ADCY6: variants seen among roughly 807,000 people sequenced by gnomAD.
ADCY6 encodes the protein adenylate cyclase type 6.
Under a neutral mutation model 111.6 loss-of-function variants are expected in ADCY6, and 59 were observed. The observed-to-expected ratio is 0.53, with a 90% CI of 0.43 to 0.66. ADCY6 has a LOEUF of 0.66. Among genes scored for constraint, ADCY6 ranks in the 30% least tolerant of loss-of-function variants. ADCY6 has a pLI of 0.00. For synonymous variants in ADCY6, 576 were observed against 642.9 expected (o/e 0.90, Z 1.57); for missense variants, 1,242 against 1,595.6 (o/e 0.78, Z 3.78).
Position 48,783,220 on chromosome 12 carries a change from C to T in ADCY6, c.215G>A (p.Arg72Gln), listed in dbSNP as rs779322146. The T allele has an allele frequency of 1.6e-5, 25 of 1,607,860 alleles. No individual in the cohort carries two copies. The highest frequency in any genetic ancestry group is 2.2e-5 in the South Asian group (2 of 91,038). ...RCPWQDDAFI[R>Q]RGGPGKGKEL... ...CTTGCCCTTGCCTGGGCCGCCCCTC[C>T]GGATGAAGGCGTCATCCTGCCAGGG... is the stretch of plus-strand genomic sequence containing the variant. Residue 72 changes from arginine (R) to glutamine (Q), a missense_variant, in exon 2 of 22, where the codon CGG becomes CAG. Physicochemically the swap from Arg to Gln is conservative, Grantham distance 43 (BLOSUM62 1). Around this residue, in one of 4 missense-constraint regions of ADCY6, gnomAD observed 362 missense variants for 377.2 expected, o/e 0.96. Transcript: ENST00000357869.
rs755106681 is a variant in ADCY6 at position 48,771,765 on chromosome 12, T to G, written c.2996A>C (p.Asn999Thr). 1.9e-6 allele frequency: 3 copies of G among 1,614,188 alleles called. No homozygotes were observed. The highest frequency in any genetic ancestry group is 2.5e-6 in the Non-Finnish European group (3 of 1,180,040). The part of the protein sequence containing the change: ...SEFYVELEAN[N>T]EGVECLRLLN... ...CAGCCGCAGGCACTCGACACCCTCATTGTTTGCCTCCAGCTCCACATAGAA... is the reference window on the plus strand; with the variant it reads ...CAGCCGCAGGCACTCGACACCCTCAGTGTTTGCCTCCAGCTCCACATAGAA... Residue 999 changes from asparagine (N) to threonine (T), a missense_variant, in exon 19 of 22, where the codon AAT becomes ACT. Transcript: ENST00000357869. The surrounding 1 kb of genome is among the most constrained non-coding windows in gnomAD (Gnocchi z 4.3).
chr12:48,778,512 A>C, intron 2 of ADCY6: 1 of 483,658 alleles, frequency 2.1e-6, no homozygotes, highest in Non-Finnish European at 3.8e-6. Context: ...CAGAAGACCA[A>C]CTAGGGCCAG....
Position 48,772,216 on chromosome 12 carries a change from T to A in ADCY6, c.2787+79A>T, listed in dbSNP as rs2291727. 7.2e-3 allele frequency: 10,973 copies of A among 1,527,232 alleles called. 952 individuals carry two copies. In the East Asian group the frequency reaches 0.2, roughly 27 times the overall value. The allele number at this position is 1,527,232 out of a possible 1,614,324, so 94.6% of individuals were successfully genotyped here. On this transcript the variant is annotated intron_variant, in intron 18 of 21. Coordinates refer to ENST00000357869, the MANE Select transcript of ADCY6 (RefSeq NM_015270.5). Reference sequence around the variant, plus strand: ...AGGTGTGGCCTGAGCCTTAGCCAGCTAGCACAAGATACATTTCTGGCCTGG... The same window carrying A: ...AGGTGTGGCCTGAGCCTTAGCCAGCAAGCACAAGATACATTTCTGGCCTGG...
intron 20 of ADCY6, among the ~76,000 whole-genome samples, chr12:48,770,335 C>G (rs1160067462): frequency 6.6e-6 from 1 of 152,112 alleles, no homozygotes; most frequent in East Asian, 1.9e-4. Context: ...GAATTCAAAC[C>G]AAATAGTCCA....
In ADCY6 at chr12:48,777,623, G is replaced by C; in HGVS notation, c.1128C>G (p.Asp376Glu). 1 of 1,613,380 alleles carries C rather than the reference G, an allele frequency of 6.2e-7. No homozygotes were observed. The highest frequency in any genetic ancestry group is 1.1e-5 in the South Asian group (1 of 91,080). The change falls in exon 4 of 22, where the codon GAC (aspartate) becomes GAG (glutamate). Residue 376 changes from aspartate (D) to glutamate (E), a missense_variant. Asp to Glu is a conservative substitution (Grantham distance 45). Around this residue, in one of 4 missense-constraint regions of ADCY6, gnomAD observed 260 missense variants for 414.6 expected, o/e 0.63. Coordinates refer to ENST00000357869, the MANE Select transcript of ADCY6 (RefSeq NM_015270.5). This position sits in a 1 kb window ranked among gnomAD's most constrained non-coding sequence, Gnocchi z 4.9. ...TCCTACCCTCACCCTACCTGACATT[G>C]TCATGCTTCTGTATGTAGATCTTGT... ...MFHKIYIQKHDNVSILFADIE... is the reference protein window; with the variant it reads ...MFHKIYIQKHENVSILFADIE...
Position 48,776,125 on chromosome 12 carries a change from G to T in ADCY6, c.1678-34C>A, listed in dbSNP as rs376079489. On this transcript the variant is annotated intron_variant, in intron 8 of 21. Coordinates refer to ENST00000357869, the MANE Select transcript of ADCY6 (RefSeq NM_015270.5). The surrounding 1 kb of genome is among the most constrained non-coding windows in gnomAD (Gnocchi z 6.1). ...GCAGCATGGGTACAGGCTCAGAAGA[G>T]GGGCCCAGAGGAGGCCTTGGCCTGC... 6.2e-7 allele frequency: 1 copy of T among 1,613,882 alleles called. No homozygotes were observed. The highest frequency in any genetic ancestry group is 1.7e-5 in the Admixed American group (1 of 60,014).
At chr12:48,789,318 C>G (rs1942042666), upstream of ADCY6, 1 of 152,212 alleles carries the variant, frequency 6.6e-6, no homozygotes, top group Non-Finnish European at 1.5e-5. Flanking sequence ...CCTGGGAAGA[C>G]AAGCAGCTAC....
intron 1 of ADCY6, among the ~76,000 whole-genome samples, chr12:48,786,009 G>A (rs1205957361): frequency 6.6e-6 from 1 of 152,142 alleles, no homozygotes; most frequent in African/African-American, 2.4e-5. Flanking sequence ...ATAAGATGAG[G>A]CTGACAGCAC....
At chr12:48,785,563 G>A (rs1404552174) in intron 1 of ADCY6, among the ~76,000 whole-genome samples, 1 of 152,184 alleles carries the variant, frequency 6.6e-6, no homozygotes, top group Non-Finnish European at 1.5e-5. Context: ...AGGTTGCAGT[G>A]AGCTGAGATC....
At chr12:48,770,686 G>T in intron 20 of ADCY6, 80 bp downstream of exon 20, 1 of 1,426,446 alleles carries the variant, frequency 7.0e-7, no homozygotes, top group Non-Finnish European at 9.8e-7. Context: ...GGAAATCTGT[G>T]ATCCCATCCC....
rs1941740858 is a variant in ADCY6 at position 48,777,716 on chromosome 12, T to C, written c.1035A>G (p.Val345=). ...NRQQERLLLS[V]LPQHVAMEMK... The stretch of plus-strand genomic sequence containing the variant: ...TCTCCATGGCAACGTGCTGGGGCAA[T>C]ACCGACAGCAGCAGCCGCTCCTAGC... Residue 345 remains valine (V), a synonymous_variant, in exon 4 of 22, where the codon GTA becomes GTG. Transcript: ENST00000357869. This position sits in a 1 kb window ranked among gnomAD's most constrained non-coding sequence, Gnocchi z 4.9. The C allele has an allele frequency of 6.2e-7, 1 of 1,614,064 alleles. No individual in the cohort carries two copies. The highest frequency in any genetic ancestry group is 8.5e-7 in the Non-Finnish European group (1 of 1,180,040).
Position 48,777,333 on chromosome 12 carries a change from C to T in ADCY6, c.1248+77G>A. 1 of 1,600,452 alleles carries T rather than the reference C, an allele frequency of 6.2e-7. No homozygotes were observed. On this transcript the variant is annotated intron_variant, in intron 5 of 21. Transcript: ENST00000357869. This position sits in a 1 kb window ranked among gnomAD's most constrained non-coding sequence, Gnocchi z 4.9. ...ACGCATACTCTATCTGCCCTCAAAT[C>T]CCCAGCTGCTGCCAGCAAAGCTATG...
In ADCY6 at chr12:48,770,989, C is replaced by A. The variant is rs760050179; in HGVS notation, c.3052-19G>T. 4 of 1,609,010 alleles carry A rather than the reference C, an allele frequency of 2.5e-6. No individual in the cohort carries two copies. Among genetic ancestry groups the A allele is most frequent in the South Asian group, 1.1e-5 (1 of 90,924 alleles). The stretch of plus-strand genomic sequence containing the variant: ...TGATAATCTGAACAACACAAGGAGA[C>A]CTGGCTGTCAAGGCAAAGACCCCAG... On this transcript the variant is annotated intron_variant, in intron 19 of 21. Transcript: ENST00000357869.
chr12:48,787,918 C>G (rs1942009775), intron 1 of ADCY6, among the ~76,000 whole-genome samples: 1 of 152,228 alleles, frequency 6.6e-6, no homozygotes, highest in Admixed American at 6.5e-5. Context: ...AAGGATGGCT[C>G]TGCCCACTGC....
Position 48,783,314 on chromosome 12 carries a change from G to A in ADCY6, c.121C>T (p.Pro41Ser). The A allele has an allele frequency of 6.2e-7, 1 of 1,613,720 alleles. No homozygotes were observed. ...TCCCGGAGGCAGCTCATATAGCGGG[G>A]CGTGCAGAAGCCACCTGCCCGAGTG... ...RGTRAGGFCT[P>S]RYMSCLRDAE... Residue 41 changes from proline (P) to serine (S), a missense_variant, in exon 2 of 22, where the codon CCC becomes TCC. By Grantham distance (74) the Pro-to-Ser change is moderately conservative. Around this residue, in one of 4 missense-constraint regions of ADCY6, gnomAD observed 362 missense variants for 377.2 expected, o/e 0.96. Transcript: ENST00000357869.
intron 2 of ADCY6, among the ~76,000 whole-genome samples, chr12:48,781,099 G>A (rs902426841): frequency 2.6e-5 from 4 of 151,812 alleles, no homozygotes; most frequent in East Asian, 3.9e-4. Flanking sequence ...TCAGGAGGCC[G>A]AGGCAGGAGA....
chr12:48,775,766 C>G, intron 9 of ADCY6, 68 bp from the exon 10 acceptor site: 1 of 1,570,830 alleles, frequency 6.4e-7, no homozygotes, highest in South Asian at 1.1e-5. Flanking sequence ...AGCTCCTTCC[C>G]CCACCCCAAC....
intron 9 of ADCY6, 90 bp from the exon 10 acceptor site, chr12:48,775,788 G>A: frequency 6.5e-7 from 1 of 1,540,198 alleles, no homozygotes; most frequent in South Asian, 1.2e-5. Context: ...CTGTGCTGAG[G>A]GTGTCCCCGT....
chr12:48,777,431 G>A lies in ADCY6; in HGVS notation c.1227C>T (p.Ala409=), dbSNP rs150537242. The change falls in exon 5 of 22, where the codon GCC becomes GCT. Residue 409 remains alanine (A), a synonymous_variant. Coordinates refer to ENST00000357869, the MANE Select transcript of ADCY6 (RefSeq NM_015270.5). The surrounding 1 kb of genome is among the most constrained non-coding windows in gnomAD (Gnocchi z 4.9). ...TCACCGCAGCCAGCTTGTCAAACCG[G>A]GCAAAGAGCTCATTCAGGGTCATGA... is the stretch of plus-strand genomic sequence containing the variant. ...ELVMTLNELF[A]RFDKLAAENH... The A allele has an allele frequency of 6.2e-7, 1 of 1,614,056 alleles. No individual in the cohort carries two copies. Among genetic ancestry groups the A allele is most frequent in the African/African-American group, 1.3e-5 (1 of 74,920 alleles).
Sources: gnomAD v4.1 joint callset for allele counts (sites outside exome capture counted in the v4.1 genomes callset) on GRCh38, gnomAD v4.1.1 for gene constraint, gnomAD v4.1.1 regional missense constraint, Gnocchi (gnomAD v3.1) non-coding constraint, MANE v1.5 for transcripts, NCBI Gene and HGNC (gene_info 2026-07-23, HGNC 2026-07-21) for gene names.